The following MACROD2 variants were observed in gnomAD, a reference collection of about 807,000 sequenced individuals.
MACROD2 encodes ADP-ribose glycohydrolase MACROD2.
A neutral mutation model predicts 70.4 loss-of-function variants in MACROD2; 36 were observed. The ratio of observed to expected loss-of-function variants is 0.51; its 90% CI spans 0.39 to 0.68. The LOEUF (loss-of-function observed/expected upper bound fraction) is 0.68, where lower values mean the gene tolerates loss of function less well. Ranked by LOEUF, MACROD2 falls within the 30% of genes least tolerant of loss-of-function variation. The pLI, the probability that MACROD2 is intolerant of heterozygous loss-of-function variation, is 0.00. For synonymous variants in MACROD2, 172 were observed against 178.8 expected (o/e 0.96, Z 0.30); for missense variants, 496 against 538.4 (o/e 0.92, Z 0.78).
intron 3 of MACROD2, among the ~76,000 whole-genome samples, chr20:14,334,768 A>C (rs1487563079): frequency 6.6e-6 from 1 of 150,788 alleles, no homozygotes; most frequent in Non-Finnish European, 1.5e-5. Context: ...GGTAGTCTTC[A>C]TTTGATTTAA....
At chr20:16,001,003 C>T (rs2066701569) in intron 15 of MACROD2, among the ~76,000 whole-genome samples, 1 of 152,208 alleles carries the variant, frequency 6.6e-6, no homozygotes, top group South Asian at 2.1e-4. Flanking sequence ...GACATACTTA[C>T]TGCATTTGGA....
intron 8 of MACROD2, among the ~76,000 whole-genome samples, chr20:15,528,791 A>G (rs1297692323): frequency 2.6e-5 from 4 of 151,876 alleles, no homozygotes; most frequent in Admixed American, 2.6e-4. Context: ...GAAGAAGCAA[A>G]TGCCTGAGCT....
chr20:14,105,833 G>A (rs2054361391), intron 3 of MACROD2, among the ~76,000 whole-genome samples: 2 of 152,162 alleles, frequency 1.3e-5, no homozygotes, highest in Admixed American at 1.3e-4. Flanking sequence ...ATAGGGCAAT[G>A]GGCAGAGTTG....
intron 5 of MACROD2, among the ~76,000 whole-genome samples, chr20:14,966,996 G>T: frequency 6.6e-6 from 1 of 151,580 alleles, no homozygotes; most frequent in East Asian, 1.9e-4. Flanking sequence ...ATAATTTATG[G>T]TATGTGTGTA....
At chr20:14,794,386 G>A (rs1036913268) in intron 5 of MACROD2, among the ~76,000 whole-genome samples, 27 of 152,020 alleles carry the variant, frequency 1.8e-4, no homozygotes, top group African/African-American at 5.6e-4. Context: ...AATTCTGTTG[G>A]TATCAACAAG....
intron 17 of MACROD2, among the ~76,000 whole-genome samples, chr20:16,048,356 A>G (rs2147627243): frequency 6.6e-6 from 1 of 152,310 alleles, no homozygotes. Flanking sequence ...CTAAAACAAT[A>G]AGAAAAGAGC....
chr20:14,146,099 G>A (rs1231138589), intron 3 of MACROD2, among the ~76,000 whole-genome samples: 1 of 152,144 alleles, frequency 6.6e-6, no homozygotes, highest in Non-Finnish European at 1.5e-5. Context: ...GAGGCGGGCG[G>A]ATCACGAGGT....
chr20:15,565,468 C>T (rs929206542), intron 8 of MACROD2, among the ~76,000 whole-genome samples: 2 of 152,146 alleles, frequency 1.3e-5, no homozygotes, highest in Non-Finnish European at 2.9e-5. Context: ...GGTGCATTCA[C>T]TGAAATAATT....
chr20:14,382,060 A>AT (rs11475740), intron 3 of MACROD2, among the ~76,000 whole-genome samples: 38,810 of 122,338 alleles, frequency 0.32, 6,054 homozygotes, highest in Admixed American at 0.38. Context: ...AATGGGATTG[A>AT]TTTTTTTTTT....
At chr20:15,306,216 C>T (rs1209779538) in intron 6 of MACROD2, among the ~76,000 whole-genome samples, 1 of 152,172 alleles carries the variant, frequency 6.6e-6, no homozygotes, top group Non-Finnish European at 1.5e-5. Flanking sequence ...AGTTGACTCC[C>T]TGTATTCTTG....
chr20:14,164,477 G>GC (rs2055236783), intron 3 of MACROD2, among the ~76,000 whole-genome samples: 1 of 152,180 alleles, frequency 6.6e-6, no homozygotes. Flanking sequence ...AGGCAGGTAG[G>GC]CAGGTTCTCG....
intron 8 of MACROD2, among the ~76,000 whole-genome samples, chr20:15,565,861 T>C (rs2048303196): frequency 6.6e-6 from 1 of 152,142 alleles, no homozygotes; most frequent in African/African-American, 2.4e-5. Context: ...ATTCTTTTAG[T>C]AGTGCTGTAA....
chr20:15,167,696 G>C (rs752415100), intron 5 of MACROD2, among the ~76,000 whole-genome samples: 3 of 152,108 alleles, frequency 2.0e-5, no homozygotes, highest in Non-Finnish European at 4.4e-5. Flanking sequence ...GAAGTTCAAA[G>C]TGCAAAAAAT....
At chr20:14,694,023 G>T (rs2071092123) in intron 5 of MACROD2, among the ~76,000 whole-genome samples, 1 of 152,118 alleles carries the variant, frequency 6.6e-6, no homozygotes, top group Non-Finnish European at 1.5e-5. Flanking sequence ...GAGGAAGACA[G>T]CAGGCCCCTT....
rs1175299889 is a variant in MACROD2, at chr20:15,140,030, A to G, written c.419-89910A>G. Reference sequence around the variant, plus strand: ...TGTTTATCTTTTTTCTTATTTGGTAACTAGGTGGGATGGTTGTATAGAAAA... The same window carrying G: ...TGTTTATCTTTTTTCTTATTTGGTAGCTAGGTGGGATGGTTGTATAGAAAA... On this transcript the variant is annotated intron_variant, in intron 5 of 17. Transcript: ENST00000684519. Among the ~76,000 whole-genome samples, 3 of 152,198 alleles carry G rather than the reference A, an allele frequency of 2.0e-5. No homozygotes were observed. The South Asian group carries it at 6.2e-4, about 32-fold the overall frequency.
intron 15 of MACROD2, among the ~76,000 whole-genome samples, chr20:16,015,499 G>A (rs2066917546): frequency 6.6e-6 from 1 of 152,016 alleles, no homozygotes; most frequent in Admixed American, 6.6e-5. Context: ...AATTTCCCTG[G>A]ATATGTCAAA....
intron 7 of MACROD2, among the ~76,000 whole-genome samples, chr20:15,496,004 C>G (rs769086982): frequency 5.3e-5 from 8 of 152,276 alleles, no homozygotes; most frequent in Non-Finnish European, 7.4e-5. Context: ...CATTCAAAGA[C>G]CAGAAAGAAG....
intron 6 of MACROD2, among the ~76,000 whole-genome samples, chr20:15,258,448 CTATGTTTAGA>C (rs1356882804): frequency 6.6e-6 from 1 of 152,052 alleles, no homozygotes; most frequent in African/African-American, 2.4e-5. Flanking sequence ...TGTATCTTTT[CTATGTTTAGA>C]TATGTTTAGA....
intron 8 of MACROD2, among the ~76,000 whole-genome samples, chr20:15,811,228 A>G (rs1306242434): frequency 6.6e-6 from 1 of 151,864 alleles, no homozygotes; most frequent in Non-Finnish European, 1.5e-5. Flanking sequence ...AATGAACTCA[A>G]ACAAATTTAC....
Sources: allele counts gnomAD v4.1 joint callset (sites outside exome capture counted in the v4.1 genomes callset), GRCh38; gene constraint gnomAD v4.1.1; transcripts MANE v1.5; gene names NCBI Gene and HGNC (gene_info 2026-07-23, HGNC 2026-07-21).